The following PCDH15 variants were observed in gnomAD, a reference collection of about 807,000 sequenced individuals.
The protein encoded by PCDH15 is protocadherin related 15, also known as protocadherin-15.
A neutral mutation model predicts 178.5 loss-of-function variants in PCDH15; 129 were observed. The ratio of observed to expected loss-of-function variants is 0.72; its 90% CI spans 0.63 to 0.84. PCDH15 has a LOEUF of 0.84. PCDH15 is among the 40% of genes least tolerant of loss of function. PCDH15 has a pLI of 0.00. For missense variants in PCDH15, 2,230 were observed against 2,099.9 expected (o/e 1.06, Z -1.21); for synonymous variants, 800 against 732.0 (o/e 1.09, Z -1.50).
At chr10:54,109,651 C>T (rs2094978997) in intron 15 of PCDH15, among the ~76,000 whole-genome samples, 1 of 152,016 alleles carries the variant, frequency 6.6e-6, no homozygotes, top group South Asian at 2.1e-4. Context: ...CTATTGAATT[C>T]ATGAAGATAG....
intron 2 of PCDH15, among the ~76,000 whole-genome samples, chr10:55,361,896 T>C (rs895249586): frequency 1.3e-5 from 2 of 152,090 alleles, no homozygotes; most frequent in Non-Finnish European, 2.9e-5. Context: ...ATAATTCACT[T>C]TGAAGTGAAG....
chr10:55,077,102 CT>C (rs34382338), intron 2 of PCDH15, among the ~76,000 whole-genome samples: 114 of 146,056 alleles, frequency 7.8e-4, no homozygotes, highest in Admixed American at 8.9e-4. Flanking sequence ...GCTACTACTC[CT>C]TTTTTTTTTT....
intron 2 of PCDH15, among the ~76,000 whole-genome samples, chr10:55,039,428 T>C (rs1392185047): frequency 6.6e-6 from 1 of 152,152 alleles, no homozygotes; most frequent in Non-Finnish European, 1.5e-5. Context: ...ATTCTAAGAA[T>C]ATTCCTCTTC....
At chr10:54,312,706 T>C (rs529679132) in intron 8 of PCDH15, among the ~76,000 whole-genome samples, 14 of 152,164 alleles carry the variant, frequency 9.2e-5, no homozygotes, top group African/African-American at 3.1e-4. Flanking sequence ...TCTAAGTTAA[T>C]CATTATGAAA....
intron 2 of PCDH15, among the ~76,000 whole-genome samples, chr10:54,642,655 T>G (rs2094018668): frequency 6.6e-6 from 1 of 152,208 alleles, no homozygotes; most frequent in Non-Finnish European, 1.5e-5. Flanking sequence ...ACTAAAGACA[T>G]TATGACTATT....
chr10:55,499,767 T>C (rs1045089237), intron 2 of PCDH15, among the ~76,000 whole-genome samples: 2 of 151,760 alleles, frequency 1.3e-5, no homozygotes, highest in Non-Finnish European at 2.9e-5. Flanking sequence ...AAGTTTAACT[T>C]GAAGTACAAT....
intron 2 of PCDH15, among the ~76,000 whole-genome samples, chr10:55,025,150 T>C (rs1035943422): frequency 6.6e-6 from 1 of 150,402 alleles, no homozygotes; most frequent in African/African-American, 2.5e-5. Flanking sequence ...TCTGTGTACG[T>C]ATGCATGTGT....
chr10:55,188,512 A>G (rs1000403859), intron 1 of PCDH15, among the ~76,000 whole-genome samples: 1 of 151,932 alleles, frequency 6.6e-6, no homozygotes, highest in Non-Finnish European at 1.5e-5. Context: ...ATGTTTTGTC[A>G]TTTAACAGAC....
At chr10:55,375,238 G>A (rs1489536993) in intron 2 of PCDH15, among the ~76,000 whole-genome samples, 1 of 152,106 alleles carries the variant, frequency 6.6e-6, no homozygotes, top group African/African-American at 2.4e-5. Flanking sequence ...TCCGGTGAGT[G>A]TTCCTGAAAG....
At chr10:54,832,964 G>T (rs946979167) in intron 3 of PCDH15, among the ~76,000 whole-genome samples, 1 of 152,026 alleles carries the variant, frequency 6.6e-6, no homozygotes, top group African/African-American at 2.4e-5. Flanking sequence ...GAAACTACCA[G>T]GTTTGTACAG....
At position 54,734,488 on chromosome 10, in the gene PCDH15, T is replaced by C. The variant is rs1011576558; in HGVS notation, c.-29+66437A>G. ...AAGATAAGACAACAACTTTGGAAAA[T>C]AGTCTGCCAGTTTTTAAAAAGTGAT... On this transcript the variant is annotated intron_variant, in intron 1 of 37. Transcript: ENST00000644397. 2.0e-5 allele frequency among the ~76,000 whole-genome samples: 3 copies of C among 151,792 alleles called. No homozygotes were observed. The South Asian group carries it at 6.2e-4, about 31-fold the overall frequency.
chr10:54,472,009 G>A (rs1349017366), intron 3 of PCDH15, among the ~76,000 whole-genome samples: 2 of 152,042 alleles, frequency 1.3e-5, no homozygotes, highest in African/African-American at 4.8e-5. Context: ...CATTAAGCCA[G>A]TGCAATCATG....
At chr10:54,668,183 T>C (rs1590940294) in intron 1 of PCDH15, among the ~76,000 whole-genome samples, 1 of 152,024 alleles carries the variant, frequency 6.6e-6, no homozygotes, top group Non-Finnish European at 1.5e-5. Flanking sequence ...TTCTAGGCAG[T>C]TGGAAAATAT....
At chr10:54,971,734 C>T (rs1322288046) in intron 2 of PCDH15, among the ~76,000 whole-genome samples, 1 of 152,166 alleles carries the variant, frequency 6.6e-6, no homozygotes, top group African/African-American at 2.4e-5. Context: ...CTATATTTGG[C>T]ATATAGTAAA....
intron 21 of PCDH15, chr10:53,995,411 A>G (rs2091780428): frequency 3.4e-6 from 2 of 585,882 alleles, no homozygotes. Context: ...TAAATTAGTA[A>G]TTAGTACATT....
At chr10:54,630,068 C>CAAAA (rs2093660474) in intron 2 of PCDH15, among the ~76,000 whole-genome samples, 1 of 152,090 alleles carries the variant, frequency 6.6e-6, no homozygotes, top group Non-Finnish European at 1.5e-5. Context: ...TTACAAAATA[C>CAAAA]TGCTGAATGA....
At chr10:55,308,781 T>C (rs1843496957) in intron 1 of PCDH15, among the ~76,000 whole-genome samples, 1 of 152,150 alleles carries the variant, frequency 6.6e-6, no homozygotes, top group Non-Finnish European at 1.5e-5. Flanking sequence ...ATCCTTCATT[T>C]AAGAGAATTT....
intron 2 of PCDH15, among the ~76,000 whole-genome samples, chr10:55,139,108 A>G (rs1179487257): frequency 6.6e-6 from 1 of 151,850 alleles, no homozygotes; most frequent in African/African-American, 2.4e-5. Context: ...CTTATCTGCC[A>G]TATTTATACC....
chr10:54,380,759 C>G (rs1318518348), intron 3 of PCDH15, among the ~76,000 whole-genome samples: 2 of 124,270 alleles, frequency 1.6e-5, no homozygotes, highest in African/African-American at 6.7e-5. Context: ...CTCCAAGCTG[C>G]GAGCAGATAC....
Sources: gnomAD v4.1 joint callset for allele counts (sites outside exome capture counted in the v4.1 genomes callset) on GRCh38, gnomAD v4.1.1 for gene constraint, MANE v1.5 for transcripts, NCBI Gene and HGNC (gene_info 2026-07-23, HGNC 2026-07-21) for gene names.